The following SMCO2 variants were observed in gnomAD, a reference collection of about 807,000 sequenced individuals.
The protein encoded by SMCO2 is single-pass membrane and coiled-coil domain-containing protein 2.
In SMCO2, 25 loss-of-function variants were observed where a neutral mutation model predicts 29.5. That is an observed-to-expected ratio of 0.85 (90% confidence interval 0.62 to 1.18). The LOEUF (loss-of-function observed/expected upper bound fraction) is 1.18, where lower values mean the gene tolerates loss of function less well. Among genes scored for constraint, SMCO2 ranks in the 50% most tolerant of loss-of-function variants. The pLI is 0.00. For synonymous variants in SMCO2, 117 were observed against 123.3 expected, an observed-to-expected ratio of 0.95 and a Z score of 0.34; for missense variants, 348 against 344.5, an observed-to-expected ratio of 1.01 and a Z score of -0.08.
In SMCO2 at chr12:27,494,372, C is replaced by T; in HGVS notation, c.507+16C>T. The T allele has an allele frequency of 2.7e-6, 4 of 1,503,114 alleles. No homozygotes were observed. The highest frequency in any genetic ancestry group is 3.6e-6 in the Non-Finnish European group (4 of 1,120,954). 93.1% of individuals were successfully genotyped at this position (1,503,114 alleles called of 1,614,324 possible). ...AAGGCTGGAGGTAAGATTTCAGTTA[C>T]ACAATTCAAACAATGATAAAATCAG... On this transcript the variant is annotated intron_variant, in intron 6 of 7. Coordinates refer to ENST00000298876, the Ensembl canonical transcript of SMCO2.
At chr12:27,455,287 C>T in the SMCO2 span, among the ~76,000 whole-genome samples, 7 of 152,140 alleles carry the variant, frequency 4.6e-5, no homozygotes, top group African/African-American at 7.2e-5. Flanking sequence ...TTTAACAGTC[C>T]GGTGGGCATA....
At chr12:27,436,348 A>G in the SMCO2 span, among the ~76,000 whole-genome samples, 1 of 152,166 alleles carries the variant, frequency 6.6e-6, no homozygotes, top group East Asian at 1.9e-4. Context: ...TTAATACTGC[A>G]CTTTGGAGAA....
At chr12:27,491,099 A>C (rs1012055978) in intron 5 of SMCO2, among the ~76,000 whole-genome samples, 1 of 152,240 alleles carries the variant, frequency 6.6e-6, no homozygotes, top group African/African-American at 2.4e-5. Context: ...AAAATGTGGG[A>C]AAATTAAAGG....
chr12:27,477,210 G>GTTTT (rs770789669), intron 4 of SMCO2, among the ~76,000 whole-genome samples: 9 of 62,646 alleles, frequency 1.4e-4, no homozygotes, highest in East Asian at 1.5e-3. Context: ...TGGCTGTCAG[G>GTTTT]TTTTTTTTTT....
chr12:27,473,536 C>A (rs141451205), intron 3 of SMCO2, among the ~76,000 whole-genome samples: 1 of 152,030 alleles, frequency 6.6e-6, no homozygotes, highest in African/African-American at 2.4e-5. Context: ...GGTCCTAGTT[C>A]TGTATTAGGA....
At chr12:27,450,098 A>G in the SMCO2 span, among the ~76,000 whole-genome samples, 1 of 152,366 alleles carries the variant, frequency 6.6e-6, no homozygotes, top group Admixed American at 6.5e-5. Flanking sequence ...TCAGGAACAC[A>G]GAGTTCTTCC....
chr12:27,450,554 G>A, the SMCO2 span, among the ~76,000 whole-genome samples: 1 of 152,198 alleles, frequency 6.6e-6, no homozygotes, highest in East Asian at 1.9e-4. Context: ...CGGCTCCTGG[G>A]AAGCCATACT....
At chr12:27,438,484 C>T in the SMCO2 span, among the ~76,000 whole-genome samples, 12 of 152,140 alleles carry the variant, frequency 7.9e-5, no homozygotes, top group Non-Finnish European at 1.3e-4. Flanking sequence ...ATCACTTTGC[C>T]TTTCTTCCCT....
intron 1 of SMCO2, among the ~76,000 whole-genome samples, chr12:27,468,236 A>C (rs568796930): frequency 6.6e-6 from 1 of 152,340 alleles, no homozygotes; most frequent in Non-Finnish European, 1.5e-5. Flanking sequence ...GATCGTAGCA[A>C]ACACCCAACA....
rs1395116576 is a variant in SMCO2, at chr12:27,501,410, C to T, written c.684-513C>T. Among the ~76,000 whole-genome samples the T allele has an allele frequency of 3.5e-3, 268 of 77,044 alleles. 4 individuals carry two copies. The highest frequency in any genetic ancestry group is 3.1e-3 in the Non-Finnish European group (127 of 41,202). 50.5% of individuals were successfully genotyped at this position (77,044 alleles called of 152,430 possible). ...CAGCTTGGGCGAAAGAGTGAGACTC[C>T]GTCTCAAAAAAAAAAAAAAAAAAAA... On this transcript the variant is annotated intron_variant, in intron 7 of 7. Coordinates refer to ENST00000298876, the Ensembl canonical transcript of SMCO2.
chr12:27,496,857 T>C (rs1943011157), intron 7 of SMCO2: 1 of 150,900 alleles, frequency 6.6e-6, no homozygotes, highest in African/African-American at 2.5e-5. Flanking sequence ...CTTCTCCTAA[T>C]ACTCCAAGGG....
At chr12:27,465,720 A>G (rs1949493737), upstream of SMCO2, among the ~76,000 whole-genome samples, 1 of 152,238 alleles carries the variant, frequency 6.6e-6, no homozygotes, top group African/African-American at 2.4e-5. Context: ...CTTCTCAACA[A>G]GCCAATTAGG....
At chr12:27,494,446 G>A in intron 6 of SMCO2, 90 bp downstream of exon 7, 13 of 594,142 alleles carry the variant, frequency 2.2e-5, no homozygotes, top group East Asian at 3.8e-5. Context: ...GAATATGACG[G>A]TGCACCACAT....
chr12:27,466,703 T>C (rs977153680), upstream of SMCO2: 1 of 152,442 alleles, frequency 6.6e-6, no homozygotes, highest in Non-Finnish European at 1.5e-5. Context: ...AAGGGCAAGG[T>C]AGAAGCCAGT....
intron 3 of SMCO2, 78 bp downstream of exon 3, chr12:27,472,953 T>G: frequency 9.7e-7 from 1 of 1,031,960 alleles, no homozygotes; most frequent in Non-Finnish European, 1.4e-6. Context: ...GCCGCATATC[T>G]TAAAGTGGTA....
At chr12:27,434,418 C>T in the SMCO2 span, among the ~76,000 whole-genome samples, 1 of 152,250 alleles carries the variant, frequency 6.6e-6, no homozygotes, top group East Asian at 1.9e-4. Context: ...TCTTTGTGAT[C>T]TTAGTAATAA....
rs79349177 is a variant in SMCO2 at position 27,482,267 on chromosome 12, T to C, written c.363-6193T>C. Among the ~76,000 whole-genome samples, 91 of 152,268 alleles carry C rather than the reference T, an allele frequency of 6.0e-4. 3 individuals are homozygous for C. In the East Asian group the frequency reaches 0.017, roughly 28 times the overall value. ...CCCTTTTGATCTCTCCTTTGACCCA[T>C]GGATTATTTTTATATCTGTAAATAT... On this transcript the variant is annotated intron_variant, in intron 4 of 7. Transcript: ENST00000298876.
chr12:27,493,872 T>C (rs994124063), intron 5 of SMCO2: 2 of 152,386 alleles, frequency 1.3e-5, no homozygotes, highest in African/African-American at 4.8e-5. Context: ...TGCAAAGCCG[T>C]CCGGCCTGAA....
intron 1 of SMCO2, 57 bp from the exon 2 acceptor site, chr12:27,470,565 G>A (rs1949532689): frequency 6.6e-7 from 1 of 1,525,294 alleles, no homozygotes; most frequent in Non-Finnish European, 8.8e-7. Flanking sequence ...CAATGAAGAG[G>A]ATGTGGTTGC....
Sources: allele counts gnomAD v4.1 joint callset (sites outside exome capture counted in the v4.1 genomes callset), GRCh38; gene constraint gnomAD v4.1.1; transcripts MANE v1.5; gene names NCBI Gene and HGNC (gene_info 2026-07-23, HGNC 2026-07-21).